Variants in STX16 observed in about 807,000 individuals in gnomAD.
STX16 encodes syntaxin 16.
A neutral mutation model predicts 42.7 loss-of-function variants in STX16; 28 were observed. The ratio of observed to expected loss-of-function variants is 0.66; its 90% CI spans 0.49 to 0.90. The LOEUF (loss-of-function observed/expected upper bound fraction) is 0.90, where lower values mean the gene tolerates loss of function less well. Among genes scored for constraint, STX16 ranks in the 40% least tolerant of loss-of-function variants. The pLI is 0.00. For missense variants in STX16, 361 were observed against 420.9 expected, an observed-to-expected ratio of 0.86 and a Z score of 1.24; for synonymous variants, 156 against 155.2, an observed-to-expected ratio of 1.00 and a Z score of -0.04.
At chr20:58,664,034 A>T (rs2083761423) in intron 2 of STX16, among the ~76,000 whole-genome samples, 1 of 152,224 alleles carries the variant, frequency 6.6e-6, no homozygotes, top group Admixed American at 6.5e-5. Flanking sequence ...CAGTAAGGGT[A>T]AGGAGAGAGA....
rs375465319 is a variant in STX16 at position 58,664,716 on chromosome 20, G to T, written c.145-2774G>T. On this transcript the variant is annotated intron_variant, in intron 2 of 8. Coordinates refer to ENST00000371141, the MANE Select transcript of STX16 (RefSeq NM_001001433.3). ...ATGTGGTTTATAATTTGTTGTTTTG[G>T]ATAAAATGATACTAATCCCAATGCA... 6.6e-5 allele frequency among the ~76,000 whole-genome samples: 10 copies of T among 152,292 alleles called. No individual in the cohort carries two copies. In the East Asian group the frequency reaches 1.3e-3, roughly 21 times the overall value.
chr20:58,671,434 GT>G, intron 7 of STX16, 137 bp downstream of exon 7: 1 of 271,456 alleles, frequency 3.7e-6, no homozygotes. Context: ...TTATGTGTGT[GT>G]GGGTGTGTGT....
intron 1 of STX16, among the ~76,000 whole-genome samples, chr20:58,658,923 T>G (rs2083637467): frequency 6.6e-6 from 1 of 152,240 alleles, no homozygotes; most frequent in Non-Finnish European, 1.5e-5. Flanking sequence ...AACTGTATGC[T>G]TTCTAGCTAA....
chr20:58,659,195 C>T (rs1568815601), intron 1 of STX16, among the ~76,000 whole-genome samples: 1 of 152,138 alleles, frequency 6.6e-6, no homozygotes, highest in African/African-American at 2.4e-5. Flanking sequence ...ATTTATTTAA[C>T]ATGATAAAAT....
chr20:58,651,949 A>G lies in STX16; in HGVS notation c.-58A>G. 4.4e-6 allele frequency: 7 copies of G among 1,579,748 alleles called. No homozygotes were observed. In the South Asian group the frequency reaches 7.8e-5, roughly 18 times the overall value. On this transcript the variant is annotated 5_prime_UTR_variant, in exon 1 of 9. The change creates a new upstream start codon in the 5' untranslated region. Coordinates refer to ENST00000371141, the MANE Select transcript of STX16 (RefSeq NM_001001433.3). Reference sequence around the variant, plus strand: ...CCGGGCCACGAGAAAGAAAGTGAATAAATCAGGAATATAAGTGGGCGGGGG... The same window carrying G: ...CCGGGCCACGAGAAAGAAAGTGAATGAATCAGGAATATAAGTGGGCGGGGG...
intron 2 of STX16, among the ~76,000 whole-genome samples, chr20:58,664,273 C>T (rs1178158982): frequency 2.0e-5 from 3 of 152,212 alleles, no homozygotes; most frequent in Non-Finnish European, 2.9e-5. Context: ...CTTCCCAAAA[C>T]ATACTGTCTT....
intron 8 of STX16, among the ~76,000 whole-genome samples, chr20:58,675,322 C>A (rs1293333053): frequency 2.6e-5 from 4 of 152,260 alleles, no homozygotes; most frequent in African/African-American, 9.6e-5. Context: ...CCTCCTCCCT[C>A]CTGTGCCATA....
At chr20:58,658,656 A>G (rs2083631239) in intron 1 of STX16, among the ~76,000 whole-genome samples, 1 of 152,234 alleles carries the variant, frequency 6.6e-6, no homozygotes, top group African/African-American at 2.4e-5. Context: ...ACAATTGATT[A>G]TTGAATTTCA....
At chr20:58,670,660 T>TTCA in intron 6 of STX16, 57 bp downstream of exon 6, 1 of 1,411,752 alleles carries the variant, frequency 7.1e-7, no homozygotes. Context: ...TTCTGCATCT[T>TTCA]TCACCTCCTA....
chr20:58,664,564 CT>C (rs2083772048), intron 2 of STX16, among the ~76,000 whole-genome samples: 1 of 152,242 alleles, frequency 6.6e-6, no homozygotes, highest in Admixed American at 6.5e-5. Flanking sequence ...AATTAGCAAG[CT>C]TCCTTAGGAC....
At position 58,669,486 on chromosome 20, in the gene STX16, T is replaced by C. The variant is rs571191995; in HGVS notation, c.556+33T>C. 14 of 1,577,378 alleles carry C rather than the reference T, an allele frequency of 8.9e-6. No homozygotes were observed. In the East Asian group the frequency reaches 3.1e-4, roughly 35 times the overall value. ...CTGCCCGGGCCTAGTGAAGGGATTT[T>C]GAGTAAGAAAAGCACTTTATGTTTT... On this transcript the variant is annotated intron_variant, in intron 5 of 8. Coordinates refer to ENST00000371141, the MANE Select transcript of STX16 (RefSeq NM_001001433.3).
intron 5 of STX16, among the ~76,000 whole-genome samples, chr20:58,669,694 C>T (rs2083925713): frequency 6.6e-6 from 1 of 152,274 alleles, no homozygotes; most frequent in South Asian, 2.1e-4. Flanking sequence ...AGCATCTCAG[C>T]AAACAAAATT....
chr20:58,668,713 T>G (rs1322443825), intron 4 of STX16, among the ~76,000 whole-genome samples: 1 of 151,826 alleles, frequency 6.6e-6, no homozygotes, highest in African/African-American at 2.4e-5. Context: ...CTGACTCTAG[T>G]GTTCTCATCT....
intron 5 of STX16, 61 bp from the exon 6 acceptor site, chr20:58,670,451 G>T: frequency 1.5e-6 from 2 of 1,342,694 alleles, no homozygotes; most frequent in South Asian, 1.2e-5. Context: ...CCCTTTTAAT[G>T]GTAGAACAAT....
At chr20:58,660,712 C>T (rs1363962091) in intron 2 of STX16, among the ~76,000 whole-genome samples, 2 of 97,698 alleles carry the variant, frequency 2.0e-5, no homozygotes, top group African/African-American at 3.6e-5. Context: ...GATTCCTGCT[C>T]CTTTTTTTTT....
Position 58,669,318 on chromosome 20 carries a change from C to A in STX16, c.421C>A (p.Gln141Lys), listed in dbSNP as rs749354141. The change falls in exon 5 of 9, where the codon CAG (glutamine) becomes AAG (lysine). Residue 141 changes from glutamine (Q) to lysine (K), a missense_variant. Physicochemically the swap from Gln to Lys is moderately conservative, Grantham distance 53. Coordinates refer to ENST00000371141, the MANE Select transcript of STX16 (RefSeq NM_001001433.3). Reference sequence around the variant, plus strand: ...CTTCCACAGGTGCCAGCGTGCCGTGCAGGCCCTGCCGAGCCGGGCCCGGGC... The same window carrying A: ...CTTCCACAGGTGCCAGCGTGCCGTGAAGGCCCTGCCGAGCCGGGCCCGGGC... Reference protein sequence around the residue: ...QLFHRCQRAVQALPSRARACS... With the variant: ...QLFHRCQRAVKALPSRARACS... 1.1e-5 allele frequency: 17 copies of A among 1,611,056 alleles called. No individual in the cohort carries two copies. Among genetic ancestry groups the A allele is most frequent in the Admixed American group, 1.7e-5 (1 of 59,952 alleles).
chr20:58,662,066 TTC>T (rs1224540060), intron 2 of STX16, among the ~76,000 whole-genome samples: 1 of 152,244 alleles, frequency 6.6e-6, no homozygotes, highest in Non-Finnish European at 1.5e-5. Flanking sequence ...CCACCATTGG[TTC>T]TCTTACCCAG....
chr20:58,675,539 G>A (rs930225161), intron 8 of STX16, among the ~76,000 whole-genome samples: 2 of 152,242 alleles, frequency 1.3e-5, no homozygotes, highest in Non-Finnish European at 2.9e-5. Context: ...GAGATGTGCA[G>A]GGTGCAGCCT....
Position 58,673,424 on chromosome 20 carries a change from G to A in STX16, c.793-207G>A, listed in dbSNP as rs147432546. Among the ~76,000 whole-genome samples the A allele has an allele frequency of 4.6e-3, 695 of 152,288 alleles. 5 individuals are homozygous for A. Among genetic ancestry groups the A allele is most frequent in the Admixed American group, 8.8e-3 (135 of 15,300 alleles). On this transcript the variant is annotated intron_variant, in intron 7 of 8. Coordinates refer to ENST00000371141, the MANE Select transcript of STX16 (RefSeq NM_001001433.3). ...AGTACTTCTTTCTCGTGAGCTAGAT[G>A]TGATGGCACTAACCAGCATTCTGCC...
Sources: gnomAD v4.1 joint callset for allele counts (sites outside exome capture counted in the v4.1 genomes callset) on GRCh38, gnomAD v4.1.1 for gene constraint, MANE v1.5 for transcripts, NCBI Gene and HGNC (gene_info 2026-07-23, HGNC 2026-07-21) for gene names.